Variants in FILIP1L observed in about 807,000 individuals in gnomAD.
FILIP1L encodes filamin A interacting protein 1 like, also known as filamin A-interacting protein 1-like.
In FILIP1L, 55 loss-of-function variants were observed where a neutral mutation model predicts 96.6. The ratio of observed to expected loss-of-function variants is 0.57; its 90% CI spans 0.46 to 0.71. FILIP1L has a LOEUF of 0.71. FILIP1L is among the 30% of genes least tolerant of loss of function. The pLI, the probability that FILIP1L is intolerant of heterozygous loss-of-function variation, is 0.00. For missense variants in FILIP1L, 1,304 were observed against 1,321.2 expected (o/e 0.99, Z 0.20); for synonymous variants, 467 against 473.9 (o/e 0.99, Z 0.19).
Position 99,848,658 on chromosome 3 carries a change from A to C in FILIP1L, c.3018T>G (p.Ala1006=). 6.2e-7 allele frequency: 1 copy of C among 1,614,216 alleles called. No homozygotes were observed. The highest frequency in any genetic ancestry group is 8.5e-7 in the Non-Finnish European group (1 of 1,180,034). The change falls in exon 5 of 6, where the codon GCT becomes GCG. Residue 1006 remains alanine (A), a synonymous_variant. Transcript: ENST00000477258. ...CAGGAGAGCTAGCTGAACCAGTCAC[A>C]GCCAAAACCTGAATAGGGGACATTG... ...ERTMSPIQVL[A]VTGSASSPEQ...
intron 1 of FILIP1L, among the ~76,000 whole-genome samples, chr3:100,094,862 G>T (rs939122227): frequency 3.3e-5 from 5 of 151,556 alleles, no homozygotes; most frequent in South Asian, 4.2e-4. Context: ...TTGTGTGTGT[G>T]TTTTTTTAGT....
At chr3:99,855,783 A>G (rs1943933270) in intron 4 of FILIP1L, among the ~76,000 whole-genome samples, 1 of 152,004 alleles carries the variant, frequency 6.6e-6, no homozygotes, top group Non-Finnish European at 1.5e-5. Flanking sequence ...AAAACTAAGT[A>G]CTCCTTTTCA....
chr3:99,837,986 C>T (rs936175184), intron 5 of FILIP1L, among the ~76,000 whole-genome samples: 1 of 152,184 alleles, frequency 6.6e-6, no homozygotes, highest in African/African-American at 2.4e-5. Context: ...ATGTTCCTTC[C>T]GTGAATCATT....
intron 4 of FILIP1L, among the ~76,000 whole-genome samples, chr3:99,914,734 A>G (rs1175492560): frequency 6.6e-6 from 1 of 152,258 alleles, no homozygotes; most frequent in Non-Finnish European, 1.5e-5. Flanking sequence ...AACAATAATC[A>G]GAAAGGCATA....
chr3:100,019,835 AT>A (rs980359620), intron 1 of FILIP1L, among the ~76,000 whole-genome samples: 22 of 152,094 alleles, frequency 1.4e-4, no homozygotes, highest in African/African-American at 5.3e-4. Context: ...ACTTATTTTC[AT>A]TTTTTTAATG....
intron 1 of FILIP1L, among the ~76,000 whole-genome samples, chr3:100,000,662 C>A (rs1709816776): frequency 6.6e-6 from 1 of 152,172 alleles, no homozygotes; most frequent in Non-Finnish European, 1.5e-5. Context: ...CCAGAGTGAG[C>A]TATGATTGTG....
At chr3:100,112,856 T>C (rs1402150884) in intron 1 of FILIP1L, among the ~76,000 whole-genome samples, 13 of 152,228 alleles carry the variant, frequency 8.5e-5, no homozygotes, top group Admixed American at 2.0e-4. Context: ...AGTTTCATAA[T>C]AGTGTCAACT....
chr3:100,056,488 T>G (rs2065465146), intron 1 of FILIP1L, among the ~76,000 whole-genome samples: 1 of 152,218 alleles, frequency 6.6e-6, no homozygotes, highest in African/African-American at 2.4e-5. Context: ...TAACAAAAGT[T>G]TATAATCTGC....
intron 1 of FILIP1L, among the ~76,000 whole-genome samples, chr3:99,941,085 T>A (rs1301164422): frequency 6.6e-6 from 1 of 152,248 alleles, no homozygotes; most frequent in East Asian, 1.9e-4. Context: ...AAGTTTAGTC[T>A]GAAACATTTG....
At chr3:99,923,199 C>T (rs1431015128) in intron 4 of FILIP1L, among the ~76,000 whole-genome samples, 1 of 151,996 alleles carries the variant, frequency 6.6e-6, no homozygotes, top group African/African-American at 2.4e-5. Context: ...CTCACCACAC[C>T]AACACCCACA....
At chr3:100,038,699 C>A (rs1043604066) in intron 1 of FILIP1L, among the ~76,000 whole-genome samples, 4 of 152,110 alleles carry the variant, frequency 2.6e-5, no homozygotes, top group Non-Finnish European at 4.4e-5. Context: ...CGATCTCAGT[C>A]CATGTCCTAC....
At chr3:99,967,824 A>AT (rs1708698103) in intron 1 of FILIP1L, among the ~76,000 whole-genome samples, 1 of 152,126 alleles carries the variant, frequency 6.6e-6, no homozygotes, top group Non-Finnish European at 1.5e-5. Flanking sequence ...TATATACATG[A>AT]TTTTGAGTGA....
At chr3:99,896,257 G>T (rs1706249015) in intron 4 of FILIP1L, among the ~76,000 whole-genome samples, 1 of 152,188 alleles carries the variant, frequency 6.6e-6, no homozygotes, top group Admixed American at 6.5e-5. Context: ...GTTTGAAACA[G>T]TGAATGGAAA....
At chr3:99,943,837 C>T (rs748007519) in intron 1 of FILIP1L, among the ~76,000 whole-genome samples, 18 of 152,166 alleles carry the variant, frequency 1.2e-4, no homozygotes, top group Non-Finnish European at 2.4e-4. Context: ...TCGGCCTGGC[C>T]GAGTTATAAT....
rs150343066 is a variant in FILIP1L at position 100,077,331 on chromosome 3, C to T, written c.-11+36722G>A. ...ACTCAGGCAACAGCCAAAGTCATTT[C>T]TTTCTCTTACAATCTGAGAAGCAAG... On this transcript the variant is annotated intron_variant, in intron 1 of 5. Transcript: ENST00000477258. Among the ~76,000 whole-genome samples the T allele has an allele frequency of 2.4e-3, 371 of 152,308 alleles. 1 individual carries two copies. Among genetic ancestry groups the T allele is most frequent in the African/African-American group, 8.4e-3 (349 of 41,566 alleles).
chr3:100,109,519 G>GT (rs2066452655), intron 1 of FILIP1L, among the ~76,000 whole-genome samples: 1 of 152,012 alleles, frequency 6.6e-6, no homozygotes, highest in African/African-American at 2.4e-5. Flanking sequence ...CCACTGATGT[G>GT]TTTTCTGTCC....
At chr3:100,045,001 G>C (rs1344339282) in intron 1 of FILIP1L, among the ~76,000 whole-genome samples, 1 of 152,206 alleles carries the variant, frequency 6.6e-6, no homozygotes, top group African/African-American at 2.4e-5. Flanking sequence ...CCTGGGCGTA[G>C]AGAGGACTAG....
chr3:100,098,840 A>T (rs2066257031), intron 1 of FILIP1L, among the ~76,000 whole-genome samples: 1 of 152,216 alleles, frequency 6.6e-6, no homozygotes. Flanking sequence ...TGGCTTCCTT[A>T]AACTAGGAAA....
In FILIP1L at chr3:99,848,272, G is replaced by A. The variant is rs377189691; in HGVS notation, c.3381+23C>T. ...GTATGGACTGGATGAGGGTGAGCGT[G>A]GTCAGTTATATATATTACTTACTGT... On this transcript the variant is annotated intron_variant, in intron 5 of 5. Coordinates refer to ENST00000477258, the MANE Select transcript of FILIP1L (RefSeq NM_001387850.1). 4.4e-5 allele frequency: 71 copies of A among 1,612,492 alleles called. No individual in the cohort carries two copies. In the African/African-American group the frequency reaches 8.8e-4, roughly 20 times the overall value.
Sources: gnomAD v4.1 joint callset for allele counts (sites outside exome capture counted in the v4.1 genomes callset) on GRCh38, gnomAD v4.1.1 for gene constraint, MANE v1.5 for transcripts, NCBI Gene and HGNC (gene_info 2026-07-23, HGNC 2026-07-21) for gene names.